The following TBL1XR1 variants were observed in gnomAD, a reference collection of about 807,000 sequenced individuals.
TBL1XR1 encodes the protein F-box-like/WD repeat-containing protein TBL1XR1.
Under a neutral mutation model 66.9 loss-of-function variants are expected in TBL1XR1, and 5 were observed. The observed-to-expected ratio is 0.07, with a 90% CI of 0.04 to 0.16. TBL1XR1 has a LOEUF of 0.16. Ranked by LOEUF, TBL1XR1 falls within the 10% of genes least tolerant of loss-of-function variation. The probability of loss-of-function intolerance (pLI) is 1.00; values close to 1 mark genes in which losing one functional copy is unlikely to be tolerated. For synonymous variants in TBL1XR1, 210 were observed against 206.0 expected (o/e 1.02, Z -0.17); for missense variants, 238 against 623.2 (o/e 0.38, Z 6.58).
chr3:177,029,770 A>C (rs967511218), intron 14 of TBL1XR1, among the ~76,000 whole-genome samples: 3 of 152,168 alleles, frequency 2.0e-5, no homozygotes, highest in African/African-American at 4.8e-5. Context: ...AATGAACACT[A>C]ATCAGTACAG....
chr3:177,117,608 T>C (rs1726457694), intron 1 of TBL1XR1, among the ~76,000 whole-genome samples: 1 of 152,200 alleles, frequency 6.6e-6, no homozygotes, highest in African/African-American at 2.4e-5. Context: ...GGAAATCTAA[T>C]GTGCTCTATA....
chr3:177,158,473 C>A (rs576183900), intron 1 of TBL1XR1, among the ~76,000 whole-genome samples: 4 of 152,074 alleles, frequency 2.6e-5, no homozygotes, highest in African/African-American at 9.7e-5. Context: ...ATGATCCGCC[C>A]GCCTCGGCCT....
chr3:177,196,589 G>A (rs1288710313), intron 1 of TBL1XR1: 6 of 149,982 alleles, frequency 4.0e-5, no homozygotes, highest in East Asian at 3.9e-4. Flanking sequence ...CGCGCCCGGG[G>A]AGGGGAGATT....
intron 2 of TBL1XR1, among the ~76,000 whole-genome samples, chr3:177,094,079 CCAA>C (rs1010368211): frequency 2.2e-4 from 34 of 152,190 alleles, no homozygotes; most frequent in African/African-American, 7.7e-4. Flanking sequence ...ATCTATACAT[CCAA>C]CAAAGGACTA....
At chr3:177,127,229 A>T in intron 1 of TBL1XR1, among the ~76,000 whole-genome samples, 1 of 152,330 alleles carries the variant, frequency 6.6e-6, no homozygotes, top group Non-Finnish European at 1.5e-5. Context: ...TCTAGTTCCC[A>T]AGTCCCTTGA....
intron 1 of TBL1XR1, among the ~76,000 whole-genome samples, chr3:177,145,208 G>A (rs1246992750): frequency 6.6e-6 from 1 of 152,316 alleles, no homozygotes; most frequent in Non-Finnish European, 1.5e-5. Context: ...CTACACCAGA[G>A]GTATGAAAAC....
At chr3:177,056,905 T>C (rs1577043844) in intron 3 of TBL1XR1, among the ~76,000 whole-genome samples, 1 of 151,910 alleles carries the variant, frequency 6.6e-6, no homozygotes, top group Non-Finnish European at 1.5e-5. Flanking sequence ...CACATTTCTT[T>C]CCCCTCCTCC....
rs1330654284 is a variant in TBL1XR1 at position 177,024,733 on chromosome 3, A to G, written c.*765T>C. On this transcript the variant is annotated 3_prime_UTR_variant, in exon 16 of 16. Coordinates refer to ENST00000457928, the MANE Select transcript of TBL1XR1 (RefSeq NM_024665.7). Reference sequence around the variant, plus strand: ...AAAAAGAAAAAAAAAAAAAAAAAGCAAAACAAAAAAACAAAACCAACAGAG... The same window carrying G: ...AAAAAGAAAAAAAAAAAAAAAAAGCGAAACAAAAAAACAAAACCAACAGAG... The G allele has an allele frequency of 3.0e-4, 45 of 147,964 alleles. No individual in the cohort carries two copies. Among genetic ancestry groups the G allele is most frequent in the Non-Finnish European group, 1.9e-4 (13 of 66,764 alleles). 9.2% of individuals were successfully genotyped at this position (147,964 alleles called of 1,614,324 possible). A position where few individuals can be genotyped will look rare whatever the true frequency, so the allele number is the denominator to read the frequency against.
intron 1 of TBL1XR1, among the ~76,000 whole-genome samples, chr3:177,103,795 T>C (rs988765876): frequency 4.6e-5 from 7 of 152,074 alleles, no homozygotes; most frequent in African/African-American, 1.4e-4. Context: ...CCTTAAAAAA[T>C]AAAATTATTT....
intron 1 of TBL1XR1, among the ~76,000 whole-genome samples, chr3:177,188,120 C>T (rs758797354): frequency 1.3e-5 from 2 of 151,754 alleles, no homozygotes; most frequent in East Asian, 1.9e-4. Flanking sequence ...TTAGTAGAGA[C>T]GGGGTTTTAC....
intron 1 of TBL1XR1, among the ~76,000 whole-genome samples, chr3:177,155,960 G>A (rs1731441424): frequency 6.6e-6 from 1 of 151,930 alleles, no homozygotes. Flanking sequence ...GGTGAGCCGA[G>A]ACTGCACCAT....
At chr3:177,123,827 TAAG>T (rs1727281749) in intron 1 of TBL1XR1, among the ~76,000 whole-genome samples, 1 of 151,802 alleles carries the variant, frequency 6.6e-6, no homozygotes. Context: ...ATTTACAAAA[TAAG>T]AACATAATTC....
At chr3:177,194,627 T>C (rs1017200677) in intron 1 of TBL1XR1, among the ~76,000 whole-genome samples, 1 of 152,200 alleles carries the variant, frequency 6.6e-6, no homozygotes, top group Admixed American at 6.5e-5. Flanking sequence ...ATAGATTTAA[T>C]CAACAAGTTG....
chr3:177,052,920 TGGGG>T (rs773118493), intron 4 of TBL1XR1, among the ~76,000 whole-genome samples: 5 of 151,902 alleles, frequency 3.3e-5, no homozygotes, highest in Non-Finnish European at 5.9e-5. Flanking sequence ...CTGGCCAACA[TGGGG>T]AAACCCTGTC....
chr3:177,046,170 G>A lies in TBL1XR1; in HGVS notation c.884C>T (p.Ala295Val). Reference sequence around the variant, plus strand: ...CTGTTGCTTGGCTTCACCAGTATGTGCGTCCCAAATAATTGTAGTCTGAGA... The same window carrying A: ...CTGTTGCTTGGCTTCACCAGTATGTACGTCCCAAATAATTGTAGTCTGAGA... ...GVDKTTIIWD[A>V]HTGEAKQQFP... is the part of the protein sequence containing the mutation. The change falls in exon 10 of 16, where the codon GCA becomes GTA. Residue 295 changes from alanine to valine, a missense_variant. Ala to Val is a moderately conservative substitution (Grantham distance 64). Coordinates refer to ENST00000457928, the MANE Select transcript of TBL1XR1 (RefSeq NM_024665.7). 6.5e-7 allele frequency: 1 copy of A among 1,538,688 alleles called. No individual in the cohort carries two copies. The highest frequency in any genetic ancestry group is 8.7e-7 in the Non-Finnish European group (1 of 1,143,494).
At chr3:177,118,271 A>C (rs6443428) in intron 1 of TBL1XR1, among the ~76,000 whole-genome samples, 94,763 of 152,020 alleles carry the variant, frequency 0.62, 29,776 homozygotes, top group Middle Eastern at 0.71. Flanking sequence ...TTCATTCATT[A>C]ACTCATTTAA....
chr3:177,075,942 C>CT (rs1478444454), intron 2 of TBL1XR1, among the ~76,000 whole-genome samples: 1 of 152,048 alleles, frequency 6.6e-6, no homozygotes, highest in African/African-American at 2.4e-5. Flanking sequence ...TCCTTGGTGT[C>CT]TTAGTCCATT....
chr3:177,087,078 G>T (rs1370531531), intron 2 of TBL1XR1: 1 of 137,792 alleles, frequency 7.3e-6, no homozygotes, highest in African/African-American at 2.7e-5. Context: ...TGGAAGGACA[G>T]ACAGGCAGAA....
upstream of TBL1XR1, among the ~76,000 whole-genome samples, chr3:177,201,414 C>CAAAAAAAAAAAA (rs557996871): frequency 2.4e-5 from 1 of 41,356 alleles, no homozygotes; most frequent in Admixed American, 2.5e-4. Flanking sequence ...GATTACATCT[C>CAAAAAAAAAAAA]AAAAAAAAAA....
Sources: gnomAD v4.1 joint callset for allele counts (sites outside exome capture counted in the v4.1 genomes callset) on GRCh38, gnomAD v4.1.1 for gene constraint, MANE v1.5 for transcripts, NCBI Gene and HGNC (gene_info 2026-07-23, HGNC 2026-07-21) for gene names.